PCDHA12: variants seen among roughly 807,000 people sequenced by gnomAD.
The protein encoded by PCDHA12 is protocadherin alpha-12.
A neutral mutation model predicts 60.0 loss-of-function variants in PCDHA12; 44 were observed. The ratio of observed to expected loss-of-function variants is 0.73; its 90% CI spans 0.58 to 0.94. The LOEUF (loss-of-function observed/expected upper bound fraction) is 0.94, where lower values mean the gene tolerates loss of function less well. Ranked by LOEUF, PCDHA12 falls within the 40% of genes least tolerant of loss-of-function variation. PCDHA12 has a pLI of 0.00. For synonymous variants in PCDHA12, 569 were observed against 553.0 expected, an observed-to-expected ratio of 1.03 and a Z score of -0.40; for missense variants, 1,276 against 1,239.7, an observed-to-expected ratio of 1.03 and a Z score of -0.44.
chr5:140,946,631 T>TATATATATATATATATATAC lies in PCDHA12; in HGVS notation c.2368-32317_2368-32316insTATATATATATATATATACA, dbSNP rs57893927. ...TGTGAAATATATATATATATATATA[T>TATATATATATATATATATAC]ACAATGGAATACTCATCAGCCATTA... On this transcript the variant is annotated intron_variant, in intron 1 of 3. Transcript: ENST00000398631. Among the ~76,000 whole-genome samples, 543 of 131,742 alleles carry TATATATATATATATATATAC rather than the reference T, an allele frequency of 4.1e-3. 35 individuals are homozygous for TATATATATATATATATATAC. Among genetic ancestry groups the TATATATATATATATATATAC allele is most frequent in the African/African-American group, 0.018 (501 of 28,614 alleles). The allele number at this position is 131,742 out of a possible 152,430, so 86.4% of individuals were successfully genotyped here.
chr5:140,912,122 C>A (rs1008861945), intron 1 of PCDHA12, among the ~76,000 whole-genome samples: 1 of 152,194 alleles, frequency 6.6e-6, no homozygotes, highest in Admixed American at 6.5e-5. Context: ...GAGGCTAAGT[C>A]AGTCTAATCT....
At position 140,876,818 on chromosome 5, in the gene PCDHA12, A is replaced by G; in HGVS notation, c.1346A>G (p.Asn449Ser). 1 of 1,614,158 alleles carries G rather than the reference A, an allele frequency of 6.2e-7. No individual in the cohort carries two copies. The highest frequency in any genetic ancestry group is 8.5e-7 in the Non-Finnish European group (1 of 1,180,028). The change falls in exon 1 of 4, where the codon AAC (asparagine) becomes AGC (serine). Residue 449 changes from asparagine (N) to serine (S), a missense_variant. Physicochemically the swap from Asn to Ser is conservative, Grantham distance 46. Transcript: ENST00000398631. ...GTGTCCGTGGAGGTGGCCGACGTGA[A>G]CGACAATGCGCCTGCGTTCGCGCAG... Reference protein sequence around the residue: ...ARVSVEVADVNDNAPAFAQPE... With the variant: ...ARVSVEVADVSDNAPAFAQPE...
intron 1 of PCDHA12, among the ~76,000 whole-genome samples, chr5:140,951,891 C>T (rs913687305): frequency 1.3e-5 from 2 of 152,110 alleles, no homozygotes; most frequent in Non-Finnish European, 2.9e-5. Context: ...TCTCTTCTGC[C>T]TATGAGCCTG....
Position 141,010,344 on chromosome 5 carries a change from G to C in PCDHA12, c.*407G>C. ...CAGCTTGGGAGTTTGTGGCCACTGG[G>C]TATGTGTGGCTACCGCGGGTATGCG... is the stretch of plus-strand genomic sequence containing the variant. On this transcript the variant is annotated 3_prime_UTR_variant, in exon 4 of 4. Transcript: ENST00000398631. 1 of 1,518,888 alleles carries C rather than the reference G, an allele frequency of 6.6e-7. No homozygotes were observed. Among genetic ancestry groups the C allele is most frequent in the Non-Finnish European group, 8.8e-7 (1 of 1,132,764 alleles). The allele number at this position is 1,518,888 out of a possible 1,614,324, so 94.1% of individuals were successfully genotyped here.
chr5:140,989,387 T>A (rs1269344397), intron 3 of PCDHA12, among the ~76,000 whole-genome samples: 2 of 152,122 alleles, frequency 1.3e-5, no homozygotes, highest in Non-Finnish European at 2.9e-5. Context: ...GTGGGAAAGA[T>A]GATATGGAGG....
At chr5:140,995,281 A>G (rs1159938577) in intron 3 of PCDHA12, among the ~76,000 whole-genome samples, 1 of 152,144 alleles carries the variant, frequency 6.6e-6, no homozygotes. Context: ...TGATACCAAA[A>G]CAGCCAGTCG....
rs1354537383 is a variant in PCDHA12 at position 140,982,283 on chromosome 5, A to G, written c.2427-192A>G. On this transcript the variant is annotated intron_variant, in intron 2 of 3. Coordinates refer to ENST00000398631, the MANE Select transcript of PCDHA12 (RefSeq NM_018903.4). The stretch of plus-strand genomic sequence containing the variant: ...TGTTCCTGGAATAGTATAGCAGGCA[A>G]TAAGTAAGTCAGCAATGCTTCTGCA... 1.7e-5 allele frequency: 18 copies of G among 1,044,438 alleles called. No homozygotes were observed. In the East Asian group the frequency reaches 2.7e-4, roughly 16 times the overall value. 64.7% of individuals were successfully genotyped at this position (1,044,438 alleles called of 1,614,324 possible).
At chr5:140,932,707 A>G (rs147056775) in intron 1 of PCDHA12, among the ~76,000 whole-genome samples, 1 of 152,086 alleles carries the variant, frequency 6.6e-6, no homozygotes, top group African/African-American at 2.4e-5. Flanking sequence ...CATATAGACA[A>G]CACAATAATA....
chr5:140,881,310 G>A (rs782291557), intron 1 of PCDHA12: 31 of 977,830 alleles, frequency 3.2e-5, no homozygotes, highest in Non-Finnish European at 3.6e-5. Flanking sequence ...TAACCTCCTG[G>A]TTAAATTCTA....
chr5:140,947,038 A>G (rs2094072618), intron 1 of PCDHA12, among the ~76,000 whole-genome samples: 1 of 151,776 alleles, frequency 6.6e-6, no homozygotes, highest in Admixed American at 6.6e-5. Context: ...TATACTAATT[A>G]CCCTGATTTG....
Position 141,010,344 on chromosome 5 carries a change from G to A in PCDHA12, c.*407G>A, listed in dbSNP as rs1011321402. On this transcript the variant is annotated 3_prime_UTR_variant, in exon 4 of 4. Coordinates refer to ENST00000398631, the MANE Select transcript of PCDHA12 (RefSeq NM_018903.4). Reference sequence around the variant, plus strand: ...CAGCTTGGGAGTTTGTGGCCACTGGGTATGTGTGGCTACCGCGGGTATGCG... The same window carrying A: ...CAGCTTGGGAGTTTGTGGCCACTGGATATGTGTGGCTACCGCGGGTATGCG... 3 of 1,518,888 alleles carry A rather than the reference G, an allele frequency of 2.0e-6. No homozygotes were observed. The Admixed American group carries it at 6.4e-5, about 33-fold the overall frequency. 94.1% of individuals were successfully genotyped at this position (1,518,888 alleles called of 1,614,324 possible).
At chr5:140,878,731 A>G (rs1037542413) in intron 1 of PCDHA12, among the ~76,000 whole-genome samples, 3 of 152,370 alleles carry the variant, frequency 2.0e-5, no homozygotes, top group South Asian at 4.1e-4. Flanking sequence ...TTCCAGCCTT[A>G]TATCTACTTT....
chr5:140,899,052 C>CCAA (rs1554188364), intron 1 of PCDHA12, among the ~76,000 whole-genome samples: 7 of 151,400 alleles, frequency 4.6e-5, no homozygotes, highest in Non-Finnish European at 1.0e-4. Flanking sequence ...TATCCTGAGA[C>CCAA]TTTGCTGAAG....
At chr5:140,926,771 A>G in intron 1 of PCDHA12, 3 of 1,372,492 alleles carry the variant, frequency 2.2e-6, no homozygotes, top group Admixed American at 3.2e-5. Context: ...TCCAGCCCGC[A>G]GCAGTGACGG....
chr5:140,936,547 A>G (rs1554211059), intron 1 of PCDHA12, among the ~76,000 whole-genome samples: 1 of 152,240 alleles, frequency 6.6e-6, no homozygotes, highest in East Asian at 1.9e-4. Context: ...AGTGCAATGT[A>G]GAAGTCAAGA....
At chr5:140,969,553 G>T in intron 1 of PCDHA12, 1 of 1,229,652 alleles carries the variant, frequency 8.1e-7, no homozygotes, top group Non-Finnish European at 1.1e-6. Flanking sequence ...ATGAAGCCTT[G>T]TCCATAAAAT....
intron 1 of PCDHA12, among the ~76,000 whole-genome samples, chr5:140,914,495 A>G (rs1469336186): frequency 2.0e-5 from 3 of 152,164 alleles, no homozygotes; most frequent in Non-Finnish European, 4.4e-5. Context: ...CTTGTGGGCA[A>G]CAGATCATTG....
chr5:140,928,569 GCCCAGAAATGGTTCTGT>G, intron 1 of PCDHA12: 1 of 1,614,202 alleles, frequency 6.2e-7, no homozygotes, highest in Non-Finnish European at 8.5e-7. Flanking sequence ...TGTTTCCCTT[GCCCAGAAATGGTTCTGT>G]CCCAGTGGAA....
intron 3 of PCDHA12, among the ~76,000 whole-genome samples, chr5:140,992,707 C>T (rs1554253127): frequency 1.3e-5 from 2 of 152,056 alleles, no homozygotes; most frequent in Admixed American, 1.3e-4. Flanking sequence ...AATGTTCCTG[C>T]CAGTATTCGT....
Sources: allele counts gnomAD v4.1 joint callset (sites outside exome capture counted in the v4.1 genomes callset), GRCh38; gene constraint gnomAD v4.1.1; transcripts MANE v1.5; gene names NCBI Gene and HGNC (gene_info 2026-07-23, HGNC 2026-07-21).